NHSL2: variants seen among roughly 807,000 people sequenced by gnomAD.
The protein encoded by NHSL2 is NHS like 2.
NHSL2 carries 27 observed loss-of-function variants against 53.4 expected under a neutral mutation model. The ratio of observed to expected loss-of-function variants is 0.51; its 90% CI spans 0.37 to 0.70. The LOEUF (loss-of-function observed/expected upper bound fraction) is 0.70. Among genes scored for constraint, NHSL2 ranks in the 30% least tolerant of loss-of-function variants. The pLI, the probability that NHSL2 is intolerant of heterozygous loss-of-function variation, is 0.00. For synonymous variants in NHSL2, 408 were observed against 404.1 expected (o/e 1.01, Z -0.12); for missense variants, 892 against 980.1 (o/e 0.91, Z 1.20).
At chrX:71,979,622 T>G (rs1481827624) in intron 1 of NHSL2, among the ~76,000 whole-genome samples, 2 of 112,574 alleles carry the variant, frequency 1.8e-5, no homozygotes, top group Non-Finnish European at 3.8e-5. Context: ...GTTTTTTTCT[T>G]GTAAATTTGT....
At chrX:71,997,069 T>C (rs1228057085) in intron 1 of NHSL2, among the ~76,000 whole-genome samples, 1 of 112,502 alleles carries the variant, frequency 8.9e-6, no homozygotes, top group Non-Finnish European at 1.9e-5. Flanking sequence ...CTGTTCTTTG[T>C]TCCAATGGAA....
At position 72,059,692 on chromosome X, in the gene NHSL2, A is replaced by G. The variant is rs1369785233; in HGVS notation, c.281-72387A>G. Among the ~76,000 whole-genome samples the G allele has an allele frequency of 2.7e-5, 3 of 111,924 alleles. No homozygotes were observed. The East Asian group carries it at 8.4e-4, about 31-fold the overall frequency. ...TCTGGGTGCTGACAACTGGCAATGA[A>G]TGGATGGCTGGGGAGTGAAAGGGGA... is the stretch of plus-strand genomic sequence containing the variant. On this transcript the variant is annotated intron_variant, in intron 1 of 7. Transcript: ENST00000633930.
chrX:72,149,403 TGAACTG>T lies in NHSL2; in HGVS notation c.*5834_*5839del, dbSNP rs1448935400. The T allele has an allele frequency of 2.7e-5, 3 of 111,999 alleles. No individual in the cohort carries two copies. The highest frequency in any genetic ancestry group is 9.7e-5 in the African/African-American group (3 of 30,862). 9.2% of individuals were successfully genotyped at this position (111,999 alleles called of 1,213,427 possible). On this transcript the variant is annotated 3_prime_UTR_variant, in exon 8 of 8. Coordinates refer to ENST00000633930, the MANE Select transcript of NHSL2 (RefSeq NM_001013627.3). ...TAGCAACGAACTCCAAAACAAAATC[TGAACTG>T]GAACAACTAGTTAACCCCTCTCAGC...
In NHSL2 at chrX:71,972,222, A is replaced by T. The variant is rs982923441; in HGVS notation, c.280+60855A>T. ...GCTAATTTTTGTATTTTTAGTAGAG[A>T]CGGGGTTTCACCATGTTGGCCAGGC... is the stretch of plus-strand genomic sequence containing the variant. On this transcript the variant is annotated intron_variant, in intron 1 of 7. Coordinates refer to ENST00000633930, the MANE Select transcript of NHSL2 (RefSeq NM_001013627.3). 2.7e-5 allele frequency among the ~76,000 whole-genome samples: 3 copies of T among 110,626 alleles called. No homozygotes were observed. The Admixed American group carries it at 2.9e-4, about 11-fold the overall frequency.
intron 1 of NHSL2, among the ~76,000 whole-genome samples, chrX:71,989,060 C>A (rs981040582): frequency 2.7e-5 from 3 of 111,529 alleles, no homozygotes; most frequent in Non-Finnish European, 5.6e-5. Context: ...TCTTTTGAGT[C>A]CCCACTTGGT....
intron 1 of NHSL2, among the ~76,000 whole-genome samples, chrX:71,948,682 T>C (rs1244686981): frequency 1.8e-5 from 2 of 109,123 alleles, no homozygotes; most frequent in South Asian, 4.1e-4. Context: ...CTACAAAAAT[T>C]AGTCGGGCAT....
At chrX:72,090,951 A>G (rs1268809500) in intron 1 of NHSL2, among the ~76,000 whole-genome samples, 2 of 112,192 alleles carry the variant, frequency 1.8e-5, no homozygotes, top group African/African-American at 6.5e-5. Flanking sequence ...TCTTAGCTAC[A>G]TAATTATTAT....
chrX:71,941,314 G>A (rs1157006885), intron 1 of NHSL2, among the ~76,000 whole-genome samples: 1 of 111,789 alleles, frequency 8.9e-6, no homozygotes, highest in Admixed American at 9.5e-5. Flanking sequence ...TTGACTGATA[G>A]GTCAGGTCAC....
At chrX:72,017,894 CT>C (rs1261602824) in intron 1 of NHSL2, among the ~76,000 whole-genome samples, 1 of 110,429 alleles carries the variant, frequency 9.1e-6, no homozygotes, top group Admixed American at 9.5e-5. Flanking sequence ...GATCTGTAAT[CT>C]TTTTTTTTCC....
intron 1 of NHSL2, among the ~76,000 whole-genome samples, chrX:72,103,479 G>C (rs183789585): frequency 8.9e-6 from 1 of 112,089 alleles, no homozygotes; most frequent in East Asian, 2.8e-4. Context: ...CATTGTACAG[G>C]ACAGTCCCAT....
intron 1 of NHSL2, among the ~76,000 whole-genome samples, chrX:72,087,638 G>A (rs1403399241): frequency 4.5e-5 from 5 of 112,271 alleles, no homozygotes; most frequent in African/African-American, 6.5e-5. Flanking sequence ...TTGGGAGGCC[G>A]AGGTGGGCAG....
At position 72,014,627 on chromosome X, in the gene NHSL2, A is replaced by G. The variant is rs967577321; in HGVS notation, c.280+103260A>G. Among the ~76,000 whole-genome samples the G allele has an allele frequency of 5.6e-4, 63 of 111,726 alleles. 3 individuals are homozygous for G. Among genetic ancestry groups the G allele is most frequent in the East Asian group, 3.9e-3 (14 of 3,622 alleles). On this transcript the variant is annotated intron_variant, in intron 1 of 7. Transcript: ENST00000633930. ...CTTATCTTTCTGTTATTGATTTCCA[A>G]TTTGGTCACAGAATACATTTCATTT...
intron 1 of NHSL2, among the ~76,000 whole-genome samples, chrX:71,930,591 T>C (rs972397211): frequency 1.8e-5 from 2 of 112,433 alleles, no homozygotes; most frequent in Non-Finnish European, 3.8e-5. Context: ...TTACTTTGTG[T>C]CTCTATGGAT....
intron 1 of NHSL2, among the ~76,000 whole-genome samples, chrX:72,083,195 G>T (rs2041807387): frequency 8.9e-6 from 1 of 112,309 alleles, no homozygotes; most frequent in African/African-American, 3.2e-5. Flanking sequence ...CACTGGTTTG[G>T]AAACCTTCGC....
At chrX:72,077,719 C>G (rs1015697855) in intron 1 of NHSL2, among the ~76,000 whole-genome samples, 4 of 112,637 alleles carry the variant, frequency 3.6e-5, no homozygotes, top group African/African-American at 6.5e-5. Context: ...GAAGCCACCT[C>G]CAGCCCAGAG....
At chrX:72,038,363 A>G (rs745876834) in intron 1 of NHSL2, among the ~76,000 whole-genome samples, 11 of 112,460 alleles carry the variant, frequency 9.8e-5, no homozygotes, top group African/African-American at 3.6e-4. Context: ...ATAAACAGTC[A>G]ATTATAAACT....
chrX:71,974,761 C>T (rs1309667689), intron 1 of NHSL2, among the ~76,000 whole-genome samples: 1 of 111,652 alleles, frequency 9.0e-6, no homozygotes, highest in Admixed American at 9.5e-5. Flanking sequence ...GGCAAAAGCT[C>T]GTTTTCCTTC....
At chrX:71,944,663 G>C (rs1033039854) in intron 1 of NHSL2, among the ~76,000 whole-genome samples, 8 of 111,876 alleles carry the variant, frequency 7.2e-5, no homozygotes, top group Non-Finnish European at 1.3e-4. Flanking sequence ...TGAATGGATA[G>C]GCTTGCTTCT....
At chrX:71,937,497 A>G (rs2041744915) in intron 1 of NHSL2, among the ~76,000 whole-genome samples, 1 of 112,354 alleles carries the variant, frequency 8.9e-6, no homozygotes, top group South Asian at 3.7e-4. Flanking sequence ...TCACGTTTGT[A>G]GCCAAGTGTT....
Sources: allele counts gnomAD v4.1 joint callset (sites outside exome capture counted in the v4.1 genomes callset), GRCh38; gene constraint gnomAD v4.1.1; transcripts MANE v1.5; gene names NCBI Gene and HGNC (gene_info 2026-07-23, HGNC 2026-07-21).